RIC1: variants seen among roughly 807,000 people sequenced by gnomAD.
RIC1 encodes the protein RIC1 partner of RAB6A GEF complex.
A neutral mutation model predicts 169.0 loss-of-function variants in RIC1; 88 were observed. That is an observed-to-expected ratio of 0.52 (90% CI 0.44 to 0.62). The LOEUF (loss-of-function observed/expected upper bound fraction) is 0.62. Among genes scored for constraint, RIC1 ranks in the 20% least tolerant of loss-of-function variants. The pLI, the probability that RIC1 is intolerant of heterozygous loss-of-function variation, is 0.00. For missense variants in RIC1, 1,877 were observed against 1,725.5 expected, an observed-to-expected ratio of 1.09 and a Z score of -1.56; for synonymous variants, 790 against 601.5, an observed-to-expected ratio of 1.31 and a Z score of -4.59.
chr9:5,744,950 C>T (rs991172245), intron 10 of RIC1, among the ~76,000 whole-genome samples: 3 of 152,118 alleles, frequency 2.0e-5, no homozygotes, highest in Non-Finnish European at 4.4e-5. Flanking sequence ...TTCTTCTGAT[C>T]TTGAGTTTCT....
In RIC1 at chr9:5,746,021, A is replaced by C; in HGVS notation, c.1186A>C (p.Lys396Gln). Residue 396 changes from lysine to glutamine, a missense_variant, in exon 11 of 26, where the codon AAA becomes CAA. Lys to Gln is a moderately conservative substitution (Grantham distance 53). Coordinates refer to ENST00000414202, the MANE Select transcript of RIC1 (RefSeq NM_020829.4). ...EIESDLRSVV[K>Q]QPSILLFQFI... The stretch of plus-strand genomic sequence containing the variant: ...TGAGTCTGACCTCAGGAGTGTAGTT[A>C]AACAGCCCAGCATCCTGTTATTTCA... 1.2e-6 allele frequency: 2 copies of C among 1,613,678 alleles called. No homozygotes were observed. The highest frequency in any genetic ancestry group is 1.7e-5 in the Admixed American group (1 of 59,998).
chr9:5,706,197 C>T lies in RIC1; in HGVS notation c.333-7699C>T, dbSNP rs548983240. Among the ~76,000 whole-genome samples the T allele has an allele frequency of 3.3e-5, 5 of 152,254 alleles. No individual in the cohort carries two copies. The South Asian group carries it at 6.2e-4, about 19-fold the overall frequency. On this transcript the variant is annotated intron_variant, in intron 3 of 25. Coordinates refer to ENST00000414202, the MANE Select transcript of RIC1 (RefSeq NM_020829.4). Reference sequence around the variant, plus strand: ...TAGAAGTCCGGGGATGGTGGCTTAACGCCTGTAATCCCAGCATTTTGGGAG... The same window carrying T: ...TAGAAGTCCGGGGATGGTGGCTTAATGCCTGTAATCCCAGCATTTTGGGAG...
chr9:5,749,994 G>C (rs1015073471), intron 12 of RIC1, among the ~76,000 whole-genome samples: 2 of 151,762 alleles, frequency 1.3e-5, no homozygotes, highest in Admixed American at 1.3e-4. Flanking sequence ...GGCCAGGCTG[G>C]TCTCAAACTC....
chr9:5,703,112 C>T (rs1259344577), intron 3 of RIC1, among the ~76,000 whole-genome samples: 1 of 152,164 alleles, frequency 6.6e-6, no homozygotes, highest in African/African-American at 2.4e-5. Flanking sequence ...TGAACCCATT[C>T]CAGCATTAAC....
chr9:5,739,838 C>A (rs1824959503), intron 8 of RIC1, among the ~76,000 whole-genome samples: 2 of 147,176 alleles, frequency 1.4e-5, no homozygotes, highest in South Asian at 4.7e-4. Context: ...CCCACACATC[C>A]CCTTTCCAAG....
intron 2 of RIC1, 127 bp downstream of exon 2, chr9:5,656,817 A>C: frequency 1.7e-6 from 1 of 579,256 alleles, no homozygotes; most frequent in South Asian, 2.8e-5. Context: ...TTCTGATAGG[A>C]ATTGCTTTAC....
intron 19 of RIC1, among the ~76,000 whole-genome samples, chr9:5,764,146 A>G (rs1228280409): frequency 6.6e-6 from 1 of 152,260 alleles, no homozygotes; most frequent in African/African-American, 2.4e-5. Context: ...TTTAATATGT[A>G]TATTAGAATA....
At chr9:5,739,458 C>A (rs189566616) in intron 8 of RIC1, among the ~76,000 whole-genome samples, 2 of 152,268 alleles carry the variant, frequency 1.3e-5, no homozygotes, top group East Asian at 3.9e-4. Context: ...CTCCAGATTT[C>A]TATTTATGTA....
chr9:5,765,784 T>C lies in RIC1; in HGVS notation c.3123T>C (p.Gly1041=), dbSNP rs1826692221. The change falls in exon 21 of 26, where the codon GGT becomes GGC. Residue 1041 remains glycine (G), a synonymous_variant. Transcript: ENST00000414202. ...AGAAAACACTAAGTATGCCATCTGG[T>C]CCCTCTGGAAAAAGGTAAAATAATA... ...SLQKTLSMPS[G]PSGKRWSKDS... The C allele has an allele frequency of 6.2e-7, 1 of 1,613,988 alleles. No individual in the cohort carries two copies. The highest frequency in any genetic ancestry group is 1.7e-5 in the Admixed American group (1 of 59,998).
At position 5,695,571 on chromosome 9, in the gene RIC1, C is replaced by CT. The variant is rs539521445; in HGVS notation, c.332+5552dup. ...CTTTTCTCCTGGATTATTATTATAT[C>CT]TTTTTTTTTTTTTTTTTTTGAGACA... On this transcript the variant is annotated intron_variant, in intron 3 of 25. Coordinates refer to ENST00000414202, the MANE Select transcript of RIC1 (RefSeq NM_020829.4). Among the ~76,000 whole-genome samples the CT allele has an allele frequency of 6.7e-3, 868 of 128,730 alleles. 5 individuals carry two copies. Among genetic ancestry groups the CT allele is most frequent in the African/African-American group, 0.014 (491 of 35,438 alleles). 84.5% of individuals were successfully genotyped at this position (128,730 alleles called of 152,430 possible). A position where few individuals can be genotyped will look rare whatever the true frequency, so the allele number is the denominator to read the frequency against.
At chr9:5,648,128 G>A (rs894186569) in intron 1 of RIC1, among the ~76,000 whole-genome samples, 5 of 151,736 alleles carry the variant, frequency 3.3e-5, no homozygotes, top group African/African-American at 1.2e-4. Context: ...GATTACAGGC[G>A]CCCGCCACCA....
chr9:5,773,192 T>A (rs949757239), intron 25 of RIC1, 112 bp downstream of exon 25: 14 of 373,344 alleles, frequency 3.7e-5, no homozygotes, highest in African/African-American at 2.5e-4. Context: ...TTATTTATTA[T>A]ATATTATTTA....
At chr9:5,718,752 G>C (rs1362136849) in intron 4 of RIC1, among the ~76,000 whole-genome samples, 2 of 152,160 alleles carry the variant, frequency 1.3e-5, no homozygotes, top group African/African-American at 4.8e-5. Context: ...TTTAAAAAGT[G>C]AAATGTCTAA....
In RIC1 at chr9:5,656,581, A is replaced by C; in HGVS notation, c.145-2A>C. On this transcript the variant is annotated splice_acceptor_variant, in intron 1 of 25. Transcript: ENST00000414202. LOFTEE classifies it high-confidence loss of function. ...AACTTTTTTTTTTTTTTAATCACAC[A>C]GCCTAGTGTGTTAATTGTAACCTAC... 1 of 1,470,906 alleles carries C rather than the reference A, an allele frequency of 6.8e-7. No homozygotes were observed. Among genetic ancestry groups the C allele is most frequent in the South Asian group, 1.4e-5 (1 of 72,372 alleles). The allele number at this position is 1,470,906 out of a possible 1,614,324, so 91.1% of individuals were successfully genotyped here.
At chr9:5,654,981 G>C (rs1227044371) in intron 1 of RIC1, among the ~76,000 whole-genome samples, 2 of 152,094 alleles carry the variant, frequency 1.3e-5, no homozygotes, top group African/African-American at 4.8e-5. Flanking sequence ...GGATTTTTGG[G>C]TCAATTCTGT....
intron 1 of RIC1, among the ~76,000 whole-genome samples, chr9:5,631,890 TAAC>T (rs1011223036): frequency 9.2e-5 from 14 of 152,158 alleles, no homozygotes; most frequent in Admixed American, 3.9e-4. Flanking sequence ...TTAATTAGGT[TAAC>T]AAACTTCATT....
chr9:5,715,140 C>T (rs1020155597), intron 4 of RIC1, among the ~76,000 whole-genome samples: 1 of 152,176 alleles, frequency 6.6e-6, no homozygotes, highest in African/African-American at 2.4e-5. Context: ...CAAAGTTACT[C>T]ATCGCCTTGG....
intron 6 of RIC1, among the ~76,000 whole-genome samples, chr9:5,730,240 G>A (rs1424049091): frequency 6.6e-6 from 1 of 152,130 alleles, no homozygotes; most frequent in African/African-American, 2.4e-5. Flanking sequence ...AGAACCTCCT[G>A]AGGACTAAAA....
intron 17 of RIC1, among the ~76,000 whole-genome samples, chr9:5,762,033 G>A (rs934485783): frequency 6.6e-6 from 1 of 152,118 alleles, no homozygotes; most frequent in Admixed American, 6.5e-5. Context: ...CTGGCTTTCT[G>A]AATCCTCCTT....
Sources: allele counts gnomAD v4.1 joint callset (sites outside exome capture counted in the v4.1 genomes callset), GRCh38; gene constraint gnomAD v4.1.1; transcripts MANE v1.5; gene names NCBI Gene and HGNC (gene_info 2026-07-23, HGNC 2026-07-21).